Variants in DNAH9 observed in about 807,000 individuals in gnomAD.
DNAH9 encodes the protein DNAH9 variant protein.
In DNAH9, 345 loss-of-function variants were observed where a neutral mutation model predicts 471.6. That is an observed-to-expected ratio of 0.73 (90% CI 0.67 to 0.80). DNAH9 has a LOEUF of 0.80. Ranked by LOEUF, DNAH9 falls within the 30% of genes least tolerant of loss-of-function variation. The pLI is 0.00. For synonymous variants in DNAH9, 2,093 were observed against 2,123.6 expected (o/e 0.99, Z 0.40); for missense variants, 5,407 against 5,609.2 (o/e 0.96, Z 1.15).
chr17:11,736,281 GTTA>G (rs1567760711), intron 28 of DNAH9, among the ~76,000 whole-genome samples: 1 of 152,166 alleles, frequency 6.6e-6, no homozygotes, highest in Non-Finnish European at 1.5e-5. Flanking sequence ...AAAAATGTCA[GTTA>G]TTATTTTTTG....
chr17:11,875,295 A>G (rs1327609307), intron 53 of DNAH9, 111 bp downstream of exon 53: 2 of 809,058 alleles, frequency 2.5e-6, no homozygotes, highest in East Asian at 2.7e-5. Context: ...TGGTCTCTCC[A>G]TCAGGCTTCT....
intron 65 of DNAH9, among the ~76,000 whole-genome samples, chr17:11,934,484 C>T (rs1019839696): frequency 4.5e-4 from 55 of 121,150 alleles, no homozygotes; most frequent in African/African-American, 1.4e-3. Context: ...CTTGCTCTGG[C>T]GCCCAGGCTG....
chr17:11,802,125 C>G (rs1434634817), intron 43 of DNAH9, among the ~76,000 whole-genome samples: 8 of 152,228 alleles, frequency 5.3e-5, no homozygotes, highest in Non-Finnish European at 1.2e-4. Context: ...TATCCTCGCT[C>G]TGCCATTCCC....
chr17:11,603,210 T>C, intron 1 of DNAH9, among the ~76,000 whole-genome samples: 1 of 152,254 alleles, frequency 6.6e-6, no homozygotes, highest in Non-Finnish European at 1.5e-5. Context: ...GTAAGCCTTT[T>C]ATGTTTCCCA....
At chr17:11,864,710 T>A (rs375366100) in intron 50 of DNAH9, among the ~76,000 whole-genome samples, 2 of 152,144 alleles carry the variant, frequency 1.3e-5, no homozygotes, top group African/African-American at 2.4e-5. Flanking sequence ...GTGCTCCTGT[T>A]TTGGGTGCAT....
At chr17:11,655,130 C>T (rs1273717000) in intron 14 of DNAH9, among the ~76,000 whole-genome samples, 2 of 152,098 alleles carry the variant, frequency 1.3e-5, no homozygotes, top group Non-Finnish European at 2.9e-5. Flanking sequence ...AGTCTTTTAC[C>T]CTCCCCCACC....
intron 38 of DNAH9, 87 bp downstream of exon 38, chr17:11,769,416 C>T: frequency 7.9e-7 from 1 of 1,259,132 alleles, no homozygotes; most frequent in South Asian, 1.3e-5. Context: ...CAGGTGCCTG[C>T]CTGACTTGAG....
At chr17:11,936,878 T>G (rs1451890650) in intron 65 of DNAH9, among the ~76,000 whole-genome samples, 1 of 152,166 alleles carries the variant, frequency 6.6e-6, no homozygotes, top group Non-Finnish European at 1.5e-5. Flanking sequence ...TTGTTTATTT[T>G]GCATGTGCCA....
chr17:11,601,483 T>C (rs1031824874), intron 1 of DNAH9, among the ~76,000 whole-genome samples: 1 of 152,198 alleles, frequency 6.6e-6, no homozygotes, highest in African/African-American at 2.4e-5. Flanking sequence ...TAAAAGCTTT[T>C]GTACGTTTAA....
rs552471213 is a variant in DNAH9 at position 11,691,801 on chromosome 17, G to GTTTGTT, written c.4614+1380_4614+1385dup. 2.1e-4 allele frequency among the ~76,000 whole-genome samples: 32 copies of GTTTGTT among 151,834 alleles called. No homozygotes were observed. In the South Asian group the frequency reaches 2.7e-3, roughly 13 times the overall value. ...TTACTTTGCCCTCTTGTGTTTTTTTGTTTGTTTTTGTTTTTGTTTTGAGAC... is the reference window on the plus strand; with the variant it reads ...TTACTTTGCCCTCTTGTGTTTTTTTGTTTGTTTTTGTTTTTGTTTTTGTTTTGAGAC... On this transcript the variant is annotated intron_variant, in intron 20 of 68. Transcript: ENST00000262442.
chr17:11,914,526 A>G (rs1218374977), intron 61 of DNAH9, among the ~76,000 whole-genome samples: 1 of 152,168 alleles, frequency 6.6e-6, no homozygotes, highest in Non-Finnish European at 1.5e-5. Context: ...AAATTATCAG[A>G]AAAGACTCAT....
At chr17:11,729,670 G>A (rs73292635) in intron 28 of DNAH9, among the ~76,000 whole-genome samples, 16 of 152,250 alleles carry the variant, frequency 1.1e-4, no homozygotes, top group Middle Eastern at 3.4e-3. Context: ...GTGGCAGAAG[G>A]GGGGTGGGAG....
At position 11,651,516 on chromosome 17, in the gene DNAH9, T is replaced by C. The variant is rs539809816; in HGVS notation, c.2353+192T>C. ...TCCTTTTTTTCCTTTTCTATGGATA[T>C]AGTTGATAAATTTAGAAAACCTTGT... On this transcript the variant is annotated intron_variant, in intron 13 of 68. Coordinates refer to ENST00000262442, the MANE Select transcript of DNAH9 (RefSeq NM_001372.4). Among the ~76,000 whole-genome samples, 3 of 152,216 alleles carry C rather than the reference T, an allele frequency of 2.0e-5. No individual in the cohort carries two copies. In the South Asian group the frequency reaches 6.2e-4, roughly 32 times the overall value.
At chr17:11,705,397 G>A (rs1471224447) in intron 26 of DNAH9, 1 of 515,852 alleles carries the variant, frequency 1.9e-6, no homozygotes, top group Non-Finnish European at 3.5e-6. Flanking sequence ...AATGAGCCGT[G>A]ACTTTTTGAG....
intron 17 of DNAH9, among the ~76,000 whole-genome samples, chr17:11,673,928 G>A (rs1476914522): frequency 6.6e-6 from 1 of 151,992 alleles, no homozygotes; most frequent in Non-Finnish European, 1.5e-5. Flanking sequence ...ATACCTATGT[G>A]GAGATGTGCA....
At chr17:11,602,080 A>G (rs1373110657) in intron 1 of DNAH9, among the ~76,000 whole-genome samples, 1 of 152,146 alleles carries the variant, frequency 6.6e-6, no homozygotes, top group Non-Finnish European at 1.5e-5. Flanking sequence ...CACTACTGCC[A>G]ACTTATTTTT....
chr17:11,625,361 C>T (rs905410022), intron 6 of DNAH9, among the ~76,000 whole-genome samples: 1 of 152,210 alleles, frequency 6.6e-6, no homozygotes, highest in African/African-American at 2.4e-5. Flanking sequence ...TTTCTACCAT[C>T]TCCAGCCACT....
intron 65 of DNAH9, among the ~76,000 whole-genome samples, chr17:11,934,739 G>T (rs559384246): frequency 6.6e-6 from 1 of 151,186 alleles, no homozygotes; most frequent in East Asian, 2.0e-4. Context: ...GGCGTGAGCC[G>T]CCGCGCCTGG....
chr17:11,780,109 A>T (rs1018953082), intron 38 of DNAH9, among the ~76,000 whole-genome samples: 1 of 152,226 alleles, frequency 6.6e-6, no homozygotes, highest in African/African-American at 2.4e-5. Context: ...TTTGTTCTAA[A>T]CAAGTCCTGT....
Sources: gnomAD v4.1 joint callset for allele counts (sites outside exome capture counted in the v4.1 genomes callset) on GRCh38, gnomAD v4.1.1 for gene constraint, MANE v1.5 for transcripts, NCBI Gene and HGNC (gene_info 2026-07-23, HGNC 2026-07-21) for gene names.